Variants in NFIA observed in about 807,000 individuals in gnomAD.
NFIA encodes the protein nuclear factor 1 A-type.
Under a neutral mutation model 62.8 loss-of-function variants are expected in NFIA, and 8 were observed. That is an observed-to-expected ratio of 0.13 (90% CI 0.07 to 0.23). The LOEUF is 0.23. Among genes scored for constraint, NFIA ranks in the 10% least tolerant of loss-of-function variants. NFIA has a pLI of 1.00. For missense variants in NFIA, 410 were observed against 642.1 expected, an observed-to-expected ratio of 0.64 and a Z score of 3.91; for synonymous variants, 235 against 238.1, an observed-to-expected ratio of 0.99 and a Z score of 0.12.
intron 2 of NFIA, among the ~76,000 whole-genome samples, chr1:61,250,380 T>C (rs1181106606): frequency 1.3e-5 from 2 of 152,204 alleles, no homozygotes; most frequent in African/African-American, 4.8e-5. Context: ...CCATTGCAAC[T>C]TTTTGGCCTC....
chr1:61,297,772 A>G (rs141891058), intron 3 of NFIA, among the ~76,000 whole-genome samples: 2 of 152,336 alleles, frequency 1.3e-5, no homozygotes, highest in African/African-American at 2.4e-5. Flanking sequence ...CTGTGAAACA[A>G]AGTGCTCTGA....
chr1:61,090,824 A>T (rs1336161756), intron 2 of NFIA, among the ~76,000 whole-genome samples: 1 of 152,226 alleles, frequency 6.6e-6, no homozygotes, highest in Non-Finnish European at 1.5e-5. Context: ...TGTGCGCGCA[A>T]CAGGAAGACT....
At chr1:61,188,977 CAT>C (rs1441036337) in intron 2 of NFIA, among the ~76,000 whole-genome samples, 7 of 152,120 alleles carry the variant, frequency 4.6e-5, no homozygotes, top group Non-Finnish European at 8.8e-5. Context: ...GAAAATGACA[CAT>C]GATTTATATA....
At chr1:61,337,214 T>C (rs1191442969) in intron 4 of NFIA, among the ~76,000 whole-genome samples, 1 of 152,222 alleles carries the variant, frequency 6.6e-6, no homozygotes, top group East Asian at 1.9e-4. Flanking sequence ...TGAATTATAC[T>C]GATCAGATAC....
At chr1:61,136,147 A>G (rs144013926) in intron 2 of NFIA, among the ~76,000 whole-genome samples, 90 of 152,338 alleles carry the variant, frequency 5.9e-4, no homozygotes, top group African/African-American at 2.2e-3. Context: ...AGGTTAAGTT[A>G]TGTTAAAACA....
At chr1:61,290,578 T>A (rs1658815512) in intron 3 of NFIA, among the ~76,000 whole-genome samples, 1 of 152,168 alleles carries the variant, frequency 6.6e-6, no homozygotes, top group Non-Finnish European at 1.5e-5. Flanking sequence ...AGCTTTTCAG[T>A]TTAATGCATT....
chr1:61,240,417 C>T (rs1236131482), intron 2 of NFIA, among the ~76,000 whole-genome samples: 2 of 151,932 alleles, frequency 1.3e-5, no homozygotes, highest in East Asian at 3.9e-4. Flanking sequence ...TCACAAGATT[C>T]AAAATTCTTT....
intron 7 of NFIA, among the ~76,000 whole-genome samples, chr1:61,385,242 A>G (rs1313952003): frequency 6.6e-6 from 1 of 152,062 alleles, no homozygotes; most frequent in Non-Finnish European, 1.5e-5. Flanking sequence ...ATCTCAAAAA[A>G]AAAAGAGACT....
At chr1:61,398,379 T>G (rs1015947232) in intron 7 of NFIA, among the ~76,000 whole-genome samples, 4 of 152,218 alleles carry the variant, frequency 2.6e-5, no homozygotes, top group Non-Finnish European at 5.9e-5. Flanking sequence ...TGTTTTCTTG[T>G]GTGGGTCTTT....
intron 9 of NFIA, among the ~76,000 whole-genome samples, chr1:61,414,984 T>TTA (rs1459705537): frequency 6.6e-6 from 1 of 152,202 alleles, no homozygotes; most frequent in African/African-American, 2.4e-5. Flanking sequence ...CTGATGTCAC[T>TTA]TAGTGCCAGG....
chr1:61,439,907 A>T (rs899298048), intron 10 of NFIA, among the ~76,000 whole-genome samples: 20 of 152,216 alleles, frequency 1.3e-4, no homozygotes, highest in African/African-American at 4.3e-4. Context: ...TTAAGTGCAC[A>T]TCTTTGAAAG....
chr1:61,290,609 A>G (rs1658817404), intron 3 of NFIA, among the ~76,000 whole-genome samples: 1 of 152,202 alleles, frequency 6.6e-6, no homozygotes. Flanking sequence ...TGAACTCTTC[A>G]GTAGGATCCT....
At chr1:61,386,967 A>C (rs1335446810) in intron 7 of NFIA, among the ~76,000 whole-genome samples, 1 of 152,160 alleles carries the variant, frequency 6.6e-6, no homozygotes, top group East Asian at 1.9e-4. Flanking sequence ...ACATGGCAGA[A>C]GGGGTGGGGT....
In NFIA at chr1:61,462,024, G is replaced by GTTTTTTTTTTTTTTTTTTTGTTT. The variant is rs368139522; in HGVS notation, c.*6722_*6723insTGTTTTTTTTTTTTTTTTTTTTT. 1.4e-5 allele frequency: 1 copy of GTTTTTTTTTTTTTTTTTTTGTTT among 73,200 alleles called. No individual in the cohort carries two copies. The highest frequency in any genetic ancestry group is 2.5e-5 in the Non-Finnish European group (1 of 40,486). 4.5% of individuals were successfully genotyped at this position (73,200 alleles called of 1,614,324 possible). ...ATAGTCTGTAAGTTAGCCTTTTTGG[G>GTTTTTTTTTTTTTTTTTTTGTTT]TTTTTTTTTTTTTTTTTTGGCTTTT... On this transcript the variant is annotated 3_prime_UTR_variant, in exon 11 of 11. Coordinates refer to ENST00000403491, the MANE Select transcript of NFIA (RefSeq NM_001134673.4).
chr1:61,077,547 A>G, upstream of NFIA: 1 of 1,204,930 alleles, frequency 8.3e-7, no homozygotes, highest in East Asian at 2.8e-5. Context: ...TATTTTTTAA[A>G]TGCAAAAAAA....
At chr1:61,418,032 A>G (rs771314807) in intron 9 of NFIA, among the ~76,000 whole-genome samples, 8 of 152,334 alleles carry the variant, frequency 5.3e-5, no homozygotes, top group Admixed American at 2.0e-4. Context: ...AATGAATTCA[A>G]TCCAGGATTT....
intron 10 of NFIA, among the ~76,000 whole-genome samples, chr1:61,447,541 A>G (rs1156426990): frequency 1.3e-5 from 2 of 152,186 alleles, no homozygotes; most frequent in Non-Finnish European, 2.9e-5. Context: ...CATCCACTGC[A>G]CTGTCTGGGC....
At chr1:61,179,638 A>G (rs1341027980) in intron 2 of NFIA, among the ~76,000 whole-genome samples, 2 of 152,268 alleles carry the variant, frequency 1.3e-5, no homozygotes, top group East Asian at 3.9e-4. Flanking sequence ...GAAGGCTGCT[A>G]TCTTGGCTCA....
intron 4 of NFIA, among the ~76,000 whole-genome samples, chr1:61,342,132 G>A (rs1661954235): frequency 6.6e-6 from 1 of 151,844 alleles, no homozygotes; most frequent in Non-Finnish European, 1.5e-5. Flanking sequence ...TTAATACCCA[G>A]GATTTTTCAC....
Sources: gnomAD v4.1 joint callset for allele counts (sites outside exome capture counted in the v4.1 genomes callset) on GRCh38, gnomAD v4.1.1 for gene constraint, MANE v1.5 for transcripts, NCBI Gene and HGNC (gene_info 2026-07-23, HGNC 2026-07-21) for gene names.